The following ITGB6 variants were observed in gnomAD, a reference collection of about 807,000 sequenced individuals.
The protein encoded by ITGB6 is integrin subunit beta 6.
ITGB6 carries 80 observed loss-of-function variants against 84.5 expected under a neutral mutation model. The ratio of observed to expected loss-of-function variants is 0.95; its 90% CI spans 0.79 to 1.14. The LOEUF is 1.14. Among genes scored for constraint, ITGB6 ranks in the 50% most tolerant of loss-of-function variants. ITGB6 has a pLI of 0.00. For synonymous variants in ITGB6, 383 were observed against 354.9 expected (o/e 1.08, Z -0.89); for missense variants, 1,006 against 968.0 (o/e 1.04, Z -0.52).
chr2:160,120,263 A>C (rs1457790557), intron 12 of ITGB6, among the ~76,000 whole-genome samples: 1 of 150,452 alleles, frequency 6.6e-6, no homozygotes, highest in Non-Finnish European at 1.5e-5. Flanking sequence ...ACTTGGAACC[A>C]ACCCAAATGT....
intron 7 of ITGB6, among the ~76,000 whole-genome samples, chr2:160,158,604 G>A (rs893217126): frequency 2.0e-5 from 3 of 152,192 alleles, no homozygotes; most frequent in African/African-American, 7.2e-5. Flanking sequence ...AGTGATGTGG[G>A]GTTCAGTAGC....
At chr2:160,122,103 T>C (rs1379138094) in intron 12 of ITGB6, among the ~76,000 whole-genome samples, 3 of 152,242 alleles carry the variant, frequency 2.0e-5, no homozygotes, top group East Asian at 3.9e-4. Flanking sequence ...TTAAAAACAT[T>C]TTTTTCTCTC....
chr2:160,142,098 T>G, intron 7 of ITGB6, 27 bp from the exon 8 acceptor site: 1 of 1,429,424 alleles, frequency 7.0e-7, no homozygotes, highest in Non-Finnish European at 9.7e-7. Flanking sequence ...AGTAAGTCAA[T>G]CTTTGTTTCC....
intron 10 of ITGB6, among the ~76,000 whole-genome samples, chr2:160,134,619 C>T (rs927560837): frequency 2.0e-5 from 3 of 152,176 alleles, no homozygotes; most frequent in East Asian, 1.9e-4. Flanking sequence ...GAATTTTAGA[C>T]GAATATCCCT....
chr2:160,182,851 G>T (rs1023003677), intron 4 of ITGB6, among the ~76,000 whole-genome samples: 1 of 152,176 alleles, frequency 6.6e-6, no homozygotes, highest in African/African-American at 2.4e-5. Flanking sequence ...CATTCTTAAA[G>T]AAAAGAATTT....
chr2:160,155,722 A>G (rs1388122779), intron 7 of ITGB6, among the ~76,000 whole-genome samples: 1 of 152,226 alleles, frequency 6.6e-6, no homozygotes, highest in Non-Finnish European at 1.5e-5. Context: ...TAGTACAAGC[A>G]TGTAACCAAG....
At chr2:160,133,383 G>A (rs1574067810) in intron 10 of ITGB6, among the ~76,000 whole-genome samples, 2 of 152,236 alleles carry the variant, frequency 1.3e-5, no homozygotes, top group African/African-American at 4.8e-5. Flanking sequence ...TACGCACCCA[G>A]TACAGGAGCA....
chr2:160,107,174 A>T (rs1333492892), intron 14 of ITGB6, among the ~76,000 whole-genome samples: 1 of 152,180 alleles, frequency 6.6e-6, no homozygotes, highest in African/African-American at 2.4e-5. Flanking sequence ...CAGAAAAAAT[A>T]ACTGCATGGC....
At chr2:160,102,579 T>C (rs1696760450) in intron 14 of ITGB6, among the ~76,000 whole-genome samples, 1 of 152,130 alleles carries the variant, frequency 6.6e-6, no homozygotes, top group South Asian at 2.1e-4. Context: ...TTGGGGGCAG[T>C]GGGAAGGTTG....
At chr2:160,190,268 T>A (rs1334784704) in intron 4 of ITGB6, among the ~76,000 whole-genome samples, 2 of 151,524 alleles carry the variant, frequency 1.3e-5, no homozygotes, top group Non-Finnish European at 2.9e-5. Context: ...GACGAGTTAA[T>A]GGGTGCAGCA....
At chr2:160,188,987 AC>A (rs1559226385) in intron 4 of ITGB6, among the ~76,000 whole-genome samples, 1 of 152,160 alleles carries the variant, frequency 6.6e-6, no homozygotes, top group Non-Finnish European at 1.5e-5. Flanking sequence ...ACAGCATGGT[AC>A]TGGTACCAAA....
At chr2:160,134,475 T>C (rs1683619077) in intron 10 of ITGB6, among the ~76,000 whole-genome samples, 1 of 152,032 alleles carries the variant, frequency 6.6e-6, no homozygotes. Flanking sequence ...CTACCAGAGG[T>C]ACAAGGAGGA....
intron 8 of ITGB6, among the ~76,000 whole-genome samples, chr2:160,140,519 T>C (rs1160309779): frequency 6.6e-6 from 1 of 152,198 alleles, no homozygotes; most frequent in African/African-American, 2.4e-5. Flanking sequence ...GTTGAGAGTA[T>C]TGGATTCGAA....
chr2:160,130,146 C>T (rs569690357), intron 10 of ITGB6, among the ~76,000 whole-genome samples: 32 of 152,072 alleles, frequency 2.1e-4, no homozygotes, highest in African/African-American at 7.5e-4. Flanking sequence ...TGTTACTGTG[C>T]TGGGTACTGG....
chr2:160,135,266 C>T (rs1034401203), intron 10 of ITGB6, among the ~76,000 whole-genome samples: 3 of 152,086 alleles, frequency 2.0e-5, no homozygotes, highest in African/African-American at 7.2e-5. Context: ...TAATAACAGA[C>T]AAACAGAGCC....
At chr2:160,131,395 A>G (rs1683463159) in intron 10 of ITGB6, among the ~76,000 whole-genome samples, 2 of 152,174 alleles carry the variant, frequency 1.3e-5, no homozygotes, top group South Asian at 2.1e-4. Context: ...AGCTCTTCAG[A>G]AAAGTGGCAC....
At chr2:160,129,303 G>A (rs1683360089) in intron 10 of ITGB6, among the ~76,000 whole-genome samples, 1 of 150,604 alleles carries the variant, frequency 6.6e-6, no homozygotes, top group Non-Finnish European at 1.5e-5. Flanking sequence ...TATTCTGGGT[G>A]CCTGCCATGC....
intron 10 of ITGB6, among the ~76,000 whole-genome samples, chr2:160,127,050 T>G (rs1193594443): frequency 6.6e-6 from 1 of 152,148 alleles, no homozygotes; most frequent in African/African-American, 2.4e-5. Context: ...ACCTTAAGAC[T>G]GACAAAGCAG....
intron 2 of ITGB6, 26 bp downstream of exon 2, chr2:160,199,153 A>T (rs747204432): frequency 1.3e-6 from 2 of 1,586,726 alleles, no homozygotes; most frequent in Non-Finnish European, 1.7e-6. Flanking sequence ...CAGGTTTTAA[A>T]AACACATTGA....
Sources: gnomAD v4.1 joint callset for allele counts (sites outside exome capture counted in the v4.1 genomes callset) on GRCh38, gnomAD v4.1.1 for gene constraint, MANE v1.5 for transcripts, NCBI Gene and HGNC (gene_info 2026-07-23, HGNC 2026-07-21) for gene names.